Variants in LRRIQ1 observed in about 807,000 individuals in gnomAD.
LRRIQ1 encodes the protein leucine rich repeats and IQ motif containing 1, also known as leucine-rich repeat- and IQ domain-containing protein 1.
Under a neutral mutation model 211.9 loss-of-function variants are expected in LRRIQ1, and 210 were observed. The ratio of observed to expected loss-of-function variants is 0.99; its 90% CI spans 0.89 to 1.11. The LOEUF is 1.11. LRRIQ1 is among the 50% of genes most tolerant of loss of function. LRRIQ1 has a pLI of 0.00. For missense variants in LRRIQ1, 2,136 were observed against 1,939.5 expected (o/e 1.10, Z -1.90); for synonymous variants, 699 against 650.1 (o/e 1.08, Z -1.14).
chr12:85,237,416 T>C (rs974028781), intron 26 of LRRIQ1, among the ~76,000 whole-genome samples: 2 of 152,036 alleles, frequency 1.3e-5, no homozygotes, highest in Admixed American at 6.6e-5. Context: ...AGATAAATGG[T>C]ATTTACAGGG....
chr12:85,234,757 A>T (rs536773215), intron 26 of LRRIQ1, among the ~76,000 whole-genome samples: 1 of 152,212 alleles, frequency 6.6e-6, no homozygotes, highest in African/African-American at 2.4e-5. Flanking sequence ...AAAATGTAGT[A>T]ATAACACCCA....
intron 19 of LRRIQ1, among the ~76,000 whole-genome samples, chr12:85,141,944 A>G (rs1013635958): frequency 6.6e-6 from 1 of 150,940 alleles, no homozygotes; most frequent in Non-Finnish European, 1.5e-5. Flanking sequence ...CCTGCCATTA[A>G]CATGCTTCCA....
At chr12:85,043,314 C>CA (rs1437303694) in intron 3 of LRRIQ1, among the ~76,000 whole-genome samples, 3 of 151,428 alleles carry the variant, frequency 2.0e-5, no homozygotes, top group Admixed American at 6.6e-5. Flanking sequence ...GACTGGATTA[C>CA]AAAAAAAATA....
chr12:85,103,080 A>C (rs1886510239), intron 13 of LRRIQ1, among the ~76,000 whole-genome samples: 2 of 149,582 alleles, frequency 1.3e-5, no homozygotes, highest in South Asian at 4.2e-4. Context: ...ATTATGTTAC[A>C]CAGTAAGTGT....
chr12:85,151,612 T>C (rs903435578), intron 19 of LRRIQ1, among the ~76,000 whole-genome samples: 2 of 151,604 alleles, frequency 1.3e-5, no homozygotes, highest in African/African-American at 4.8e-5. Context: ...AATTAGCAGG[T>C]TCCATTGTGG....
At chr12:85,243,007 T>C (rs1895533730) in intron 26 of LRRIQ1, among the ~76,000 whole-genome samples, 1 of 151,702 alleles carries the variant, frequency 6.6e-6, no homozygotes, top group Admixed American at 6.6e-5. Context: ...TTCTACTTTC[T>C]AAATAGGTGT....
chr12:85,174,268 TA>T lies in LRRIQ1; in HGVS notation c.4822+13562del, dbSNP rs1262957437. Among the ~76,000 whole-genome samples, 6 of 150,792 alleles carry T rather than the reference TA, an allele frequency of 4.0e-5. No individual in the cohort carries two copies. The East Asian group carries it at 7.8e-4, about 20-fold the overall frequency. Reference sequence around the variant, plus strand: ...AAAAATATCTCTTTGATAGCAGAAATAAAAAAAACTTGGCAGAAGATATTGA... The same window carrying T: ...AAAAATATCTCTTTGATAGCAGAAATAAAAAAACTTGGCAGAAGATATTGA... On this transcript the variant is annotated intron_variant, in intron 24 of 26. Transcript: ENST00000393217.
At chr12:85,244,719 ATGTGAGC>A in intron 26 of LRRIQ1, 63 bp from the exon 27 acceptor site, 1 of 1,310,178 alleles carries the variant, frequency 7.6e-7, no homozygotes, top group Non-Finnish European at 1.1e-6. Context: ...ATTTGGGGTA[ATGTGAGC>A]TGCATTCAGA....
At chr12:85,203,220 C>T (rs1001712284) in intron 24 of LRRIQ1, among the ~76,000 whole-genome samples, 6 of 152,160 alleles carry the variant, frequency 3.9e-5, no homozygotes, top group South Asian at 2.1e-4. Context: ...CCATGTAAGA[C>T]AGGACTTGCT....
intron 24 of LRRIQ1, among the ~76,000 whole-genome samples, chr12:85,180,110 C>T (rs148009014): frequency 1.3e-3 from 191 of 152,082 alleles, no homozygotes; most frequent in African/African-American, 4.4e-3. Context: ...ACAACTCATT[C>T]AGTGTTCACA....
chr12:85,057,386 A>G (rs1489127708), intron 8 of LRRIQ1, among the ~76,000 whole-genome samples: 2 of 152,040 alleles, frequency 1.3e-5, no homozygotes, highest in African/African-American at 2.4e-5. Context: ...GTGACACTCT[A>G]TAAAAAGCTT....
intron 26 of LRRIQ1, among the ~76,000 whole-genome samples, chr12:85,237,221 T>C (rs1895230175): frequency 6.6e-6 from 1 of 151,996 alleles, no homozygotes; most frequent in Non-Finnish European, 1.5e-5. Flanking sequence ...ATTTTATAAG[T>C]TGAAAAACAG....
At chr12:85,047,619 A>G (rs943198218) in intron 6 of LRRIQ1, 149 bp downstream of exon 6, 14 of 623,876 alleles carry the variant, frequency 2.2e-5, no homozygotes, top group Middle Eastern at 4.5e-4. Context: ...AATTAACAGT[A>G]TTTAATATGA....
intron 24 of LRRIQ1, among the ~76,000 whole-genome samples, chr12:85,186,878 T>A (rs945675847): frequency 2.6e-5 from 4 of 152,086 alleles, no homozygotes; most frequent in Middle Eastern, 3.4e-3. Context: ...TGTAGAGAAG[T>A]AGCATGGCAT....
At chr12:85,225,068 G>A (rs954248451) in intron 24 of LRRIQ1, among the ~76,000 whole-genome samples, 2 of 152,030 alleles carry the variant, frequency 1.3e-5, no homozygotes, top group East Asian at 1.9e-4. Context: ...TTCTGCATCC[G>A]TAGGTTCAAC....
intron 11 of LRRIQ1, among the ~76,000 whole-genome samples, chr12:85,075,046 A>G (rs936367725): frequency 6.6e-6 from 1 of 152,158 alleles, no homozygotes; most frequent in Admixed American, 6.6e-5. Flanking sequence ...TAAAAATACA[A>G]TTAAGTGTTA....
At chr12:85,218,319 G>T (rs964736307) in intron 24 of LRRIQ1, among the ~76,000 whole-genome samples, 3 of 151,840 alleles carry the variant, frequency 2.0e-5, no homozygotes, top group Non-Finnish European at 4.4e-5. Context: ...GAACCCCGAA[G>T]TTGACCTGAA....
At chr12:85,116,392 C>G (rs1426684914) in intron 15 of LRRIQ1, among the ~76,000 whole-genome samples, 1 of 152,144 alleles carries the variant, frequency 6.6e-6, no homozygotes, top group Admixed American at 6.5e-5. Flanking sequence ...GATCCGCCCG[C>G]CTCGGCCTCC....
At chr12:85,115,392 A>G (rs1887499112) in intron 15 of LRRIQ1, among the ~76,000 whole-genome samples, 1 of 152,202 alleles carries the variant, frequency 6.6e-6, no homozygotes, top group Non-Finnish European at 1.5e-5. Flanking sequence ...AAAATAAAAC[A>G]CTAACTCCAA....
Sources: gnomAD v4.1 joint callset for allele counts (sites outside exome capture counted in the v4.1 genomes callset) on GRCh38, gnomAD v4.1.1 for gene constraint, MANE v1.5 for transcripts, NCBI Gene and HGNC (gene_info 2026-07-23, HGNC 2026-07-21) for gene names.